Variants in NXPE4 observed in about 807,000 individuals in gnomAD.
NXPE4 encodes neurexophilin and PC-esterase domain family member 4.
Under a neutral mutation model 33.3 loss-of-function variants are expected in NXPE4, and 42 were observed. The observed-to-expected ratio is 1.26, with a 90% CI of 0.98 to 1.63. NXPE4 has a LOEUF of 1.63. Among genes scored for constraint, NXPE4 ranks in the 40% most tolerant of loss-of-function variants. NXPE4 has a pLI of 0.00. For synonymous variants in NXPE4, 253 were observed against 234.9 expected, an observed-to-expected ratio of 1.08 and a Z score of -0.71; for missense variants, 709 against 647.6, an observed-to-expected ratio of 1.09 and a Z score of -1.03.
chr11:114,623,756 A>G, the NXPE4 span, among the ~76,000 whole-genome samples: 1 of 152,082 alleles, frequency 6.6e-6, no homozygotes, highest in Non-Finnish European at 1.5e-5. Context: ...TAACTGGTGG[A>G]TAATACATGT....
chr11:114,610,668 C>T, the NXPE4 span, among the ~76,000 whole-genome samples: 1 of 145,740 alleles, frequency 6.9e-6, no homozygotes, highest in South Asian at 2.2e-4. Context: ...GTGGATAATA[C>T]ATGTTGCCTC....
At chr11:114,640,649 C>A in the NXPE4 span, among the ~76,000 whole-genome samples, 2 of 151,964 alleles carry the variant, frequency 1.3e-5, no homozygotes, top group Non-Finnish European at 2.9e-5. Flanking sequence ...AATGGCCATT[C>A]TGACTAGGGT....
chr11:114,672,494 T>C, the NXPE4 span, among the ~76,000 whole-genome samples: 1 of 151,988 alleles, frequency 6.6e-6, no homozygotes, highest in Non-Finnish European at 1.5e-5. Flanking sequence ...ATGTGAATAA[T>C]GGATTAAACA....
the NXPE4 span, among the ~76,000 whole-genome samples, chr11:114,663,626 TATCTATCTATCATCTATCC>T: frequency 1.8e-5 from 1 of 55,560 alleles, no homozygotes; most frequent in African/African-American, 5.3e-5. Flanking sequence ...TCTATCTATC[TATCTATCTATCATCTATCC>T]ATCTATCATC....
chr11:114,626,105 G>A, the NXPE4 span, among the ~76,000 whole-genome samples: 12 of 152,166 alleles, frequency 7.9e-5, no homozygotes, highest in South Asian at 2.1e-4. Flanking sequence ...GGAGAGGGGC[G>A]CCCGCCATTG....
chr11:114,633,537 T>G, the NXPE4 span, among the ~76,000 whole-genome samples: 1 of 151,638 alleles, frequency 6.6e-6, no homozygotes, highest in Non-Finnish European at 1.5e-5. Flanking sequence ...CATATATACA[T>G]GTGCCATGCT....
At chr11:114,588,274 C>T (rs1323844137) in intron 2 of NXPE4, among the ~76,000 whole-genome samples, 1 of 152,168 alleles carries the variant, frequency 6.6e-6, no homozygotes, top group Non-Finnish European at 1.5e-5. Context: ...CTTATCCTTA[C>T]AGGAAATGCT....
At chr11:114,590,986 A>T (rs1368079067) in intron 2 of NXPE4, among the ~76,000 whole-genome samples, 2 of 152,162 alleles carry the variant, frequency 1.3e-5, no homozygotes, top group Non-Finnish European at 2.9e-5. Flanking sequence ...CCCCAAGAAA[A>T]CTGGGGAACC....
chr11:114,626,987 T>C, the NXPE4 span, among the ~76,000 whole-genome samples: 433 of 151,804 alleles, frequency 2.9e-3, 5 homozygotes, highest in Admixed American at 0.019. Context: ...TAAAAAGAAA[T>C]GAACAAAGCC....
intron 4 of NXPE4, 123 bp from the exon 5 acceptor site, chr11:114,580,461 G>T: frequency 2.7e-6 from 2 of 741,310 alleles, no homozygotes; most frequent in Non-Finnish European, 4.5e-6. Flanking sequence ...GGTGGAAAAA[G>T]TATTACTGAA....
chr11:114,606,471 G>C, the NXPE4 span, among the ~76,000 whole-genome samples: 1 of 151,814 alleles, frequency 6.6e-6, no homozygotes, highest in Non-Finnish European at 1.5e-5. Flanking sequence ...TGCCTCTAGG[G>C]TAACCACTGT....
chr11:114,597,685 C>G (rs140498396), upstream of NXPE4, among the ~76,000 whole-genome samples: 222 of 151,862 alleles, frequency 1.5e-3, no homozygotes, highest in African/African-American at 5.0e-3. Context: ...ATCACTTTGT[C>G]AGGGGATATG....
At chr11:114,663,659 T>C in the NXPE4 span, among the ~76,000 whole-genome samples, 29 of 101,114 alleles carry the variant, frequency 2.9e-4, no homozygotes, top group African/African-American at 3.3e-4. Context: ...TATCATCTAT[T>C]TATCTATCAT....
chr11:114,598,881 G>A (rs1376932007), upstream of NXPE4, among the ~76,000 whole-genome samples: 1 of 152,134 alleles, frequency 6.6e-6, no homozygotes, highest in Non-Finnish European at 1.5e-5. Context: ...CCCTGTGGAA[G>A]CTACCAAGGC....
chr11:114,586,528 G>A (rs1949301781), intron 2 of NXPE4, among the ~76,000 whole-genome samples: 1 of 152,222 alleles, frequency 6.6e-6, no homozygotes, highest in Non-Finnish European at 1.5e-5. Flanking sequence ...GGACAGGCTT[G>A]CCAGGGAGAA....
chr11:114,665,534 T>C, the NXPE4 span, among the ~76,000 whole-genome samples: 2 of 152,198 alleles, frequency 1.3e-5, no homozygotes, highest in East Asian at 1.9e-4. Flanking sequence ...CAAAGAGTTA[T>C]GTACCTTTTA....
At chr11:114,591,731 T>C (rs1949459405) in intron 2 of NXPE4, among the ~76,000 whole-genome samples, 1 of 151,950 alleles carries the variant, frequency 6.6e-6, no homozygotes, top group African/African-American at 2.4e-5. Context: ...AAACAATAAA[T>C]TCCATGCCCC....
chr11:114,601,839 TA>T, the NXPE4 span, among the ~76,000 whole-genome samples: 1 of 63,850 alleles, frequency 1.6e-5, no homozygotes, highest in Non-Finnish European at 2.5e-5. Flanking sequence ...TAATTATATA[TA>T]TAATATAAAA....
At chr11:114,645,555 T>G in the NXPE4 span, among the ~76,000 whole-genome samples, 3 of 152,172 alleles carry the variant, frequency 2.0e-5, no homozygotes, top group Admixed American at 6.6e-5. Flanking sequence ...TTTTTGAATT[T>G]CAGTGCAATA....
Sources: gnomAD v4.1 joint callset for allele counts (sites outside exome capture counted in the v4.1 genomes callset) on GRCh38, gnomAD v4.1.1 for gene constraint, MANE v1.5 for transcripts, NCBI Gene and HGNC (gene_info 2026-07-23, HGNC 2026-07-21) for gene names.